The following DMD variants were observed in gnomAD, a reference collection of about 807,000 sequenced individuals.
DMD encodes mutant dystrophin.
A neutral mutation model predicts 330.1 loss-of-function variants in DMD; 63 were observed. That is an observed-to-expected ratio of 0.19 (90% CI 0.16 to 0.24). DMD has a LOEUF of 0.24. Among genes scored for constraint, DMD ranks in the 10% least tolerant of loss-of-function variants. The pLI is 1.00. For missense variants in DMD, 3,344 were observed against 2,684.1 expected (o/e 1.25, Z -5.43); for synonymous variants, 1,223 against 959.8 (o/e 1.27, Z -5.07).
At chrX:31,171,443 C>T (rs1172920043) in intron 73 of DMD, among the ~76,000 whole-genome samples, 1 of 111,061 alleles carries the variant, frequency 9.0e-6, no homozygotes, top group Non-Finnish European at 1.9e-5. Flanking sequence ...ACCATTCTTC[C>T]CTTTGTCTAT....
rs2148813714 is a variant in DMD, at chrX:32,342,284, T to C, written c.5740-2A>G. The C allele has an allele frequency of 8.3e-7, 1 of 1,211,230 alleles. No homozygotes were observed. The highest frequency in any genetic ancestry group is 1.1e-6 in the Non-Finnish European group (1 of 895,365). ...CTTCTGCAATTCCCGATCAATTTCCTATTGAGCAAAACCAATACAGGGCCC... is the reference window on the plus strand; with the variant it reads ...CTTCTGCAATTCCCGATCAATTTCCCATTGAGCAAAACCAATACAGGGCCC... On this transcript the variant is annotated splice_acceptor_variant, in intron 40 of 78. Coordinates refer to ENST00000357033, the MANE Select transcript of DMD (RefSeq NM_004006.3). LOFTEE classifies it high-confidence loss of function.
At chrX:32,589,544 AT>A (rs2054659180) in intron 13 of DMD, among the ~76,000 whole-genome samples, 1 of 111,067 alleles carries the variant, frequency 9.0e-6, no homozygotes, top group Admixed American at 9.7e-5. Context: ...TTATACATAT[AT>A]TTTTATATAG....
chrX:32,563,955 C>T (rs1188756896), intron 16 of DMD, among the ~76,000 whole-genome samples: 1 of 111,555 alleles, frequency 9.0e-6, no homozygotes, highest in Non-Finnish European at 1.9e-5. Flanking sequence ...ATTATTTCAT[C>T]ACCCAGGTAT....
At chrX:31,165,301 T>C (rs890414320) in intron 74 of DMD, among the ~76,000 whole-genome samples, 11 of 112,388 alleles carry the variant, frequency 9.8e-5, no homozygotes, top group African/African-American at 3.2e-4. Flanking sequence ...AAGGTCTTAC[T>C]GCCCAACAAG....
chrX:31,158,841 G>A (rs372877820), intron 74 of DMD, among the ~76,000 whole-genome samples: 17 of 111,896 alleles, frequency 1.5e-4, no homozygotes, highest in African/African-American at 3.9e-4. Flanking sequence ...AGAATTATCC[G>A]TGTGGACATT....
chrX:32,873,312 T>A (rs973125081), intron 2 of DMD, among the ~76,000 whole-genome samples: 3 of 110,111 alleles, frequency 2.7e-5, no homozygotes, highest in Non-Finnish European at 5.7e-5. Context: ...CTCGTTCACA[T>A]ACACACAGGC....
At chrX:31,290,948 G>GA (rs1200571973) in intron 62 of DMD, among the ~76,000 whole-genome samples, 1 of 111,906 alleles carries the variant, frequency 8.9e-6, no homozygotes, top group African/African-American at 3.2e-5. Context: ...AGTATATCAT[G>GA]AAAATAACAT....
intron 37 of DMD, among the ~76,000 whole-genome samples, chrX:32,361,151 T>C (rs770031361): frequency 1.8e-5 from 2 of 110,007 alleles, no homozygotes; most frequent in Admixed American, 1.1e-4. Context: ...TGTGTGTGTG[T>C]CTATATCTTA....
At chrX:33,297,313 T>A (rs916307939) in intron 1 of DMD, among the ~76,000 whole-genome samples, 8 of 110,975 alleles carry the variant, frequency 7.2e-5, no homozygotes, top group Non-Finnish European at 1.3e-4. Context: ...ATAAAAAGTT[T>A]GTCTCATTGT....
intron 37 of DMD, among the ~76,000 whole-genome samples, chrX:32,353,460 A>C (rs2097788573): frequency 1.8e-5 from 2 of 111,615 alleles, no homozygotes; most frequent in Non-Finnish European, 3.8e-5. Context: ...AAATTGTCTA[A>C]AACAGTTGAA....
Position 31,486,588 on chromosome X carries a change from C to T in DMD, c.8548-7485G>A, listed in dbSNP as rs750135686. 2.7e-5 allele frequency among the ~76,000 whole-genome samples: 3 copies of T among 111,532 alleles called. No homozygotes were observed. In the Admixed American group the frequency reaches 2.9e-4, roughly 11 times the overall value. On this transcript the variant is annotated intron_variant, in intron 57 of 78. Transcript: ENST00000357033. ...CCATGGTTTGAACTGCTGCTTGGGG[C>T]TTTTTCTGTAGTCTGCAGGATTAGG...
chrX:32,848,208 A>G (rs1434778135), intron 3 of DMD, among the ~76,000 whole-genome samples: 1 of 111,952 alleles, frequency 8.9e-6, no homozygotes, highest in Non-Finnish European at 1.9e-5. Flanking sequence ...ATAATCTTTG[A>G]AAGATTTTTC....
intron 44 of DMD, among the ~76,000 whole-genome samples, chrX:32,124,194 T>C (rs368199076): frequency 9.7e-5 from 11 of 112,855 alleles, no homozygotes; most frequent in African/African-American, 3.5e-4. Flanking sequence ...CAGCAAATTA[T>C]GCTTATTTAC....
chrX:33,281,548 T>A (rs887000781), intron 1 of DMD, among the ~76,000 whole-genome samples: 1 of 111,594 alleles, frequency 9.0e-6, no homozygotes, highest in Non-Finnish European at 1.9e-5. Flanking sequence ...AATTTCAACA[T>A]CTAATTTATC....
chrX:33,049,758 T>G (rs900529585), intron 1 of DMD, among the ~76,000 whole-genome samples: 3 of 111,642 alleles, frequency 2.7e-5, no homozygotes, highest in African/African-American at 9.7e-5. Context: ...TGTATATTTG[T>G]AATTATCAAT....
At chrX:31,185,456 G>A (rs903865770) in intron 67 of DMD, among the ~76,000 whole-genome samples, 5 of 111,301 alleles carry the variant, frequency 4.5e-5, no homozygotes, top group Non-Finnish European at 9.4e-5. Flanking sequence ...TACTGTCTGG[G>A]TATCCATTTC....
At chrX:32,677,005 T>C (rs151005810) in intron 9 of DMD, among the ~76,000 whole-genome samples, 2,314 of 111,747 alleles carry the variant, frequency 0.021, 61 homozygotes, top group African/African-American at 0.069. Context: ...TAAAAATATA[T>C]GTAAAAGAGT....
intron 1 of DMD, among the ~76,000 whole-genome samples, chrX:33,276,048 C>A (rs151108877): frequency 0.021 from 2,302 of 111,441 alleles, 50 homozygotes; most frequent in African/African-American, 0.071. Context: ...CATATGCATA[C>A]CTCTTAAAAT....
intron 1 of DMD, among the ~76,000 whole-genome samples, chrX:33,124,476 GAAAAAAAAAAAAAAAAA>G (rs56147804): frequency 6.2e-5 from 1 of 16,132 alleles, no homozygotes; most frequent in African/African-American, 2.7e-4. Context: ...GACTCTGTCT[GAAAAAAAAAAAAAAAAA>G]AAAAAAAAAA....
Sources: allele counts gnomAD v4.1 joint callset (sites outside exome capture counted in the v4.1 genomes callset), GRCh38; gene constraint gnomAD v4.1.1; transcripts MANE v1.5; gene names NCBI Gene and HGNC (gene_info 2026-07-23, HGNC 2026-07-21).